The following TTLL5 variants were observed in gnomAD, a reference collection of about 807,000 sequenced individuals.
TTLL5 encodes tubulin polyglutamylase TTLL5.
TTLL5 carries 132 observed loss-of-function variants against 168.4 expected under a neutral mutation model. That is an observed-to-expected ratio of 0.78 (90% CI 0.68 to 0.91). The LOEUF (loss-of-function observed/expected upper bound fraction) is 0.91, where lower values mean the gene tolerates loss of function less well. Among genes scored for constraint, TTLL5 ranks in the 40% least tolerant of loss-of-function variants. TTLL5 has a pLI of 0.00. For missense variants in TTLL5, 1,545 were observed against 1,581.5 expected, an observed-to-expected ratio of 0.98 and a Z score of 0.39; for synonymous variants, 546 against 558.6, an observed-to-expected ratio of 0.98 and a Z score of 0.32.
intron 31 of TTLL5, among the ~76,000 whole-genome samples, chr14:75,926,890 G>A (rs1305383909): frequency 6.6e-6 from 1 of 152,162 alleles, no homozygotes; most frequent in Admixed American, 6.5e-5. Context: ...ATTCATAATA[G>A]CCAAAAATGT....
intron 12 of TTLL5, among the ~76,000 whole-genome samples, chr14:75,726,762 A>G (rs1430122131): frequency 6.6e-6 from 1 of 152,162 alleles, no homozygotes; most frequent in Non-Finnish European, 1.5e-5. Flanking sequence ...ATGGAGGTGG[A>G]TTTGGGCCAG....
At chr14:75,717,358 T>A (rs1166659709) in intron 9 of TTLL5, among the ~76,000 whole-genome samples, 1 of 152,176 alleles carries the variant, frequency 6.6e-6, no homozygotes, top group Non-Finnish European at 1.5e-5. Context: ...CAAGCAATCC[T>A]CCTGCCTCGG....
intron 28 of TTLL5, among the ~76,000 whole-genome samples, chr14:75,832,659 T>C (rs1895638272): frequency 6.6e-6 from 1 of 152,206 alleles, no homozygotes; most frequent in Non-Finnish European, 1.5e-5. Context: ...TTGGGTCTTT[T>C]CAGTACTAAT....
At chr14:75,900,989 T>G (rs1240406550) in intron 30 of TTLL5, among the ~76,000 whole-genome samples, 1 of 152,128 alleles carries the variant, frequency 6.6e-6, no homozygotes, top group African/African-American at 2.4e-5. Flanking sequence ...ACTGGAAAAA[T>G]AGTGTCGGGA....
At chr14:75,744,216 C>T (rs993314022) in intron 15 of TTLL5, among the ~76,000 whole-genome samples, 1 of 152,176 alleles carries the variant, frequency 6.6e-6, no homozygotes, top group Admixed American at 6.5e-5. Flanking sequence ...TGGGTGAATT[C>T]TTTCTTACTT....
At chr14:75,948,413 A>T (rs1396662724) in intron 31 of TTLL5, among the ~76,000 whole-genome samples, 1 of 151,982 alleles carries the variant, frequency 6.6e-6, no homozygotes, top group African/African-American at 2.4e-5. Context: ...TGAAACTGAG[A>T]GGTGGAGGTT....
chr14:75,675,822 G>T (rs978728117), intron 3 of TTLL5, among the ~76,000 whole-genome samples: 3 of 152,132 alleles, frequency 2.0e-5, no homozygotes, highest in Non-Finnish European at 4.4e-5. Flanking sequence ...GAACCAATAG[G>T]ATACAAGGAG....
At chr14:75,845,065 G>A (rs902479901) in intron 28 of TTLL5, among the ~76,000 whole-genome samples, 7 of 152,144 alleles carry the variant, frequency 4.6e-5, no homozygotes, top group African/African-American at 1.7e-4. Flanking sequence ...GTCATCTTTT[G>A]AGATGCAGAT....
intron 31 of TTLL5, among the ~76,000 whole-genome samples, chr14:75,946,642 G>A (rs1341467488): frequency 6.6e-6 from 1 of 152,118 alleles, no homozygotes; most frequent in East Asian, 1.9e-4. Flanking sequence ...CACAAGCCGT[G>A]GAGCAGTGAG....
rs1885352796 is a variant in TTLL5, at chr14:75,690,216, C to A, written c.396C>A (p.Asp132Glu). ...GGTCTTATGAACTTACCCGGAAGGACCGACTGTACAAAAACATTATTCGAA... is the reference window on the plus strand; with the variant it reads ...GGTCTTATGAACTTACCCGGAAGGAACGACTGTACAAAAACATTATTCGAA... The part of the protein sequence containing the change: ...FPRSYELTRK[D>E]RLYKNIIRMQ... The change falls in exon 6 of 32, where the codon GAC (aspartate) becomes GAA (glutamate). Residue 132 changes from aspartate (D) to glutamate (E), a missense_variant. Coordinates refer to ENST00000298832, the MANE Select transcript of TTLL5 (RefSeq NM_015072.5). 1 of 1,613,324 alleles carries A rather than the reference C, an allele frequency of 6.2e-7. No individual in the cohort carries two copies. Among genetic ancestry groups the A allele is most frequent in the African/African-American group, 1.3e-5 (1 of 74,858 alleles).
intron 28 of TTLL5, among the ~76,000 whole-genome samples, chr14:75,842,836 T>A (rs1374307861): frequency 1.3e-5 from 2 of 152,046 alleles, no homozygotes; most frequent in Non-Finnish European, 2.9e-5. Flanking sequence ...GTGATAATAA[T>A]CAAGGGCTGA....
intron 30 of TTLL5, among the ~76,000 whole-genome samples, chr14:75,898,625 G>T (rs980359823): frequency 6.6e-6 from 1 of 152,138 alleles, no homozygotes; most frequent in African/African-American, 2.4e-5. Flanking sequence ...CTGGGTGACA[G>T]AGTAAGACCC....
rs1186595068 is a variant in TTLL5, at chr14:75,745,558, A to T, written c.1464A>T (p.Thr488=). The part of the protein sequence containing the change: ...RRGGFIRIFP[T]SETWEIYGSY... Reference sequence around the variant, plus strand: ...GTGGATTTATTCGCATATTTCCTACATCTGAGACATGGGAAATATATGGGT... The same window carrying T: ...GTGGATTTATTCGCATATTTCCTACTTCTGAGACATGGGAAATATATGGGT... The change falls in exon 17 of 32, where the codon ACA becomes ACT. Residue 488 remains threonine, a synonymous_variant. Transcript: ENST00000298832. The T allele has an allele frequency of 1.2e-6, 2 of 1,613,812 alleles. No homozygotes were observed.
chr14:75,900,996 G>A (rs915504843), intron 30 of TTLL5, among the ~76,000 whole-genome samples: 12 of 152,160 alleles, frequency 7.9e-5, no homozygotes, highest in Admixed American at 6.5e-4. Flanking sequence ...AAATAGTGTC[G>A]GGAGAGAGAT....
chr14:75,681,680 G>GC, intron 4 of TTLL5, 53 bp downstream of exon 4: 1 of 1,513,640 alleles, frequency 6.6e-7, no homozygotes, highest in Non-Finnish European at 9.1e-7. Flanking sequence ...GAAAATCCCA[G>GC]CCACCTAACT....
At chr14:75,693,527 G>A (rs2140142691) in intron 6 of TTLL5, among the ~76,000 whole-genome samples, 1 of 152,336 alleles carries the variant, frequency 6.6e-6, no homozygotes, top group Admixed American at 6.5e-5. Flanking sequence ...GAGTGTAGTG[G>A]TTGGAATACA....
intron 31 of TTLL5, among the ~76,000 whole-genome samples, chr14:75,946,141 A>C (rs2034763706): frequency 6.6e-6 from 1 of 152,244 alleles, no homozygotes; most frequent in Non-Finnish European, 1.5e-5. Flanking sequence ...TCTGAAATGC[A>C]GGAGGAATTG....
intron 31 of TTLL5, among the ~76,000 whole-genome samples, chr14:75,921,767 G>A (rs1408900039): frequency 6.6e-6 from 1 of 152,176 alleles, no homozygotes; most frequent in South Asian, 2.1e-4. Context: ...TGTGAAGAAA[G>A]TCATTGGTAG....
At chr14:75,944,717 T>G (rs1329474626) in intron 31 of TTLL5, among the ~76,000 whole-genome samples, 2 of 152,120 alleles carry the variant, frequency 1.3e-5, no homozygotes, top group Non-Finnish European at 2.9e-5. Context: ...TTGTTGAAAC[T>G]GTCTCTCTAA....
Sources: allele counts gnomAD v4.1 joint callset (sites outside exome capture counted in the v4.1 genomes callset), GRCh38; gene constraint gnomAD v4.1.1; transcripts MANE v1.5; gene names NCBI Gene and HGNC (gene_info 2026-07-23, HGNC 2026-07-21).